Variants in GP6 observed in about 807,000 individuals in gnomAD.
GP6 encodes platelet glycoprotein VI.
Under a neutral mutation model 37.3 loss-of-function variants are expected in GP6, and 45 were observed. That is an observed-to-expected ratio of 1.21 (90% CI 0.95 to 1.55). The LOEUF (loss-of-function observed/expected upper bound fraction) is 1.55, where lower values mean the gene tolerates loss of function less well. Ranked by LOEUF, GP6 falls within the 40% of genes most tolerant of loss-of-function variation. The probability of loss-of-function intolerance (pLI) is 0.00; values close to 1 mark genes in which losing one functional copy is unlikely to be tolerated. For missense variants in GP6, 813 were observed against 760.2 expected (o/e 1.07, Z -0.82); for synonymous variants, 340 against 316.4 (o/e 1.07, Z -0.79).
chr19:55,022,783 C>T (rs1274311832), intron 5 of GP6, among the ~76,000 whole-genome samples: 1 of 152,104 alleles, frequency 6.6e-6, no homozygotes, highest in African/African-American at 2.4e-5. Context: ...AATAAAATAC[C>T]TAGGAATACA....
At chr19:55,029,363 TATATATATATA>T (rs1253676086) in intron 3 of GP6, among the ~76,000 whole-genome samples, 17 of 3,090 alleles carry the variant, frequency 5.5e-3, no homozygotes, top group African/African-American at 8.2e-3. Flanking sequence ...TATATATATA[TATATATATATA>T]TTTTTTTTTT....
chr19:55,035,466 T>C (rs1329307196), intron 1 of GP6, among the ~76,000 whole-genome samples: 1 of 152,186 alleles, frequency 6.6e-6, no homozygotes, highest in Non-Finnish European at 1.5e-5. Flanking sequence ...ACACCTGTAA[T>C]CCCATTTTGG....
At chr19:55,029,337 TATATATATATATATATATATATATA>T (rs2074441605) in intron 3 of GP6, among the ~76,000 whole-genome samples, 1 of 6,446 alleles carries the variant, frequency 1.6e-4, no homozygotes, top group Non-Finnish European at 2.7e-4. Flanking sequence ...TATATATATA[TATATATATATATATATATATATATA>T]TATATATATA....
At position 55,014,812 on chromosome 19, in the gene GP6, A is replaced by C; in HGVS notation, c.1133T>G (p.Leu378Arg). 1 of 1,613,992 alleles carries C rather than the reference A, an allele frequency of 6.2e-7. No individual in the cohort carries two copies. The highest frequency in any genetic ancestry group is 8.5e-7 in the Non-Finnish European group (1 of 1,179,938). The stretch of plus-strand genomic sequence containing the variant: ...GGAGGCAGCATGGCCTCGTTTCCAC[A>C]GCTGTAGCCTCTGCCCTCCTGCTTC... Residue 378 changes from leucine (L) to arginine (R), a missense_variant, in exon 8 of 8, where the codon CTG (leucine) becomes CGG (arginine). Physicochemically the swap from Leu to Arg is moderately radical, Grantham distance 102. Coordinates refer to ENST00000310373, the MANE Select transcript of GP6 (RefSeq NM_001083899.2).
At chr19:55,035,336 G>A (rs1445973098) in intron 1 of GP6, among the ~76,000 whole-genome samples, 1 of 152,094 alleles carries the variant, frequency 6.6e-6, no homozygotes, top group African/African-American at 2.4e-5. Context: ...TGGACAAGAG[G>A]AGTATGTCTT....
At position 55,025,226 on chromosome 19, in the gene GP6, G is replaced by A. The variant is rs767798856; in HGVS notation, c.656C>T (p.Pro219Leu). ...GACCCTGCAGAACCTACCTGCTACC[G>A]GGGAAGGTGGTTCTGTTGGTAACCG... Residue 219 changes from proline to leucine, a missense_variant, in exon 5 of 8, where the codon CCG becomes CTG. Pro to Leu is a moderately conservative substitution (Grantham distance 98). Transcript: ENST00000310373. 4.5e-6 allele frequency: 7 copies of A among 1,540,268 alleles called. No individual in the cohort carries two copies. In the African/African-American group the frequency reaches 5.5e-5, roughly 12 times the overall value.
rs10418074 is a variant in GP6, at chr19:55,014,218, C to T, written c.1727G>A (p.Arg576Lys). 43,102 of 793,436 alleles carry T rather than the reference C, an allele frequency of 0.054. 1,362 individuals are homozygous for T. Among genetic ancestry groups the T allele is most frequent in the African/African-American group, 0.1 (6,267 of 59,858 alleles). The allele number at this position is 793,436 out of a possible 1,614,324, so 49.1% of individuals were successfully genotyped here. The change falls in exon 8 of 8, where the codon AGG (arginine) becomes AAG (lysine). Residue 576 changes from arginine to lysine, a missense_variant. Transcript: ENST00000310373. ...TCCCAGGCTCAAGCCATTCTCCCAC[C>T]TCAGCCCCCTGAGTTGCTGGGAGTA... is the stretch of plus-strand genomic sequence containing the variant.
At chr19:55,018,592 GAAGA>G (rs1215011641) in intron 6 of GP6, 56 bp downstream of exon 6, 3 of 950,826 alleles carry the variant, frequency 3.2e-6, no homozygotes, top group African/African-American at 3.2e-5. Flanking sequence ...TTAGATAATG[GAAGA>G]GAGAGCTCCG....
chr19:55,029,358 AT>A (rs2074463477), intron 3 of GP6, among the ~76,000 whole-genome samples: 1 of 2,632 alleles, frequency 3.8e-4, no homozygotes, highest in African/African-American at 1.5e-3. Context: ...ATATATATAT[AT>A]ATATATATAT....
intron 1 of GP6, among the ~76,000 whole-genome samples, chr19:55,037,160 G>C (rs1602652801): frequency 6.6e-6 from 1 of 152,154 alleles, no homozygotes; most frequent in East Asian, 1.9e-4. Context: ...TCCCTTTAGT[G>C]GTCAAATTCT....
At chr19:55,021,763 G>A (rs1412838058) in intron 5 of GP6, among the ~76,000 whole-genome samples, 5 of 151,974 alleles carry the variant, frequency 3.3e-5, no homozygotes, top group South Asian at 4.1e-4. Context: ...CTTGTGATCT[G>A]CCTGCCTCGG....
Position 55,021,520 on chromosome 19 carries a change from G to GGTTTTT in GP6, c.665-2810_665-2809insAAAAAC, listed in dbSNP as rs556854980. 4.0e-5 allele frequency among the ~76,000 whole-genome samples: 5 copies of GGTTTTT among 126,242 alleles called. 1 individual carries two copies. The highest frequency in any genetic ancestry group is 5.9e-5 in the African/African-American group (2 of 33,868). The allele number at this position is 126,242 out of a possible 152,430, so 82.8% of individuals were successfully genotyped here. A position where few individuals can be genotyped will look rare whatever the true frequency, so the allele number is the denominator to read the frequency against. On this transcript the variant is annotated intron_variant, in intron 5 of 7. Coordinates refer to ENST00000310373, the MANE Select transcript of GP6 (RefSeq NM_001083899.2). The stretch of plus-strand genomic sequence containing the variant: ...ACCTGTTGTTTCTTGACTTTTGTTG[G>GGTTTTT]TTTTTTTTTTTTTTTTTTGAGATGG...
rs1365517869 is a variant in GP6, at chr19:55,032,915, G to A, written c.35-377C>T. On this transcript the variant is annotated intron_variant, in intron 1 of 7. Coordinates refer to ENST00000310373, the MANE Select transcript of GP6 (RefSeq NM_001083899.2). ...GACTCGTTCGTGTTAGACACGGTGGGCTCGTTCGTGTTAGACACGGTGGGC... is the reference window on the plus strand; with the variant it reads ...GACTCGTTCGTGTTAGACACGGTGGACTCGTTCGTGTTAGACACGGTGGGC... 8.7e-4 allele frequency: 304 copies of A among 348,146 alleles called. 5 individuals carry two copies. Among genetic ancestry groups the A allele is most frequent in the South Asian group, 3.9e-3 (127 of 32,724 alleles). The allele number at this position is 348,146 out of a possible 1,614,324, so 21.6% of individuals were successfully genotyped here. A position where few individuals can be genotyped will look rare whatever the true frequency, so the allele number is the denominator to read the frequency against.
chr19:55,026,844 C>T (rs1175049715), intron 4 of GP6, among the ~76,000 whole-genome samples: 1 of 151,888 alleles, frequency 6.6e-6, no homozygotes, highest in Non-Finnish European at 1.5e-5. Context: ...TGAGATCGCG[C>T]CACTGCACTC....
intron 3 of GP6, among the ~76,000 whole-genome samples, chr19:55,029,350 A>T (rs1274408048): frequency 1.6e-3 from 4 of 2,492 alleles, no homozygotes; most frequent in Admixed American, 8.1e-3. Flanking sequence ...ATATATATAT[A>T]TATATATATA....
At position 55,014,878 on chromosome 19, in the gene GP6, C is replaced by A; in HGVS notation, c.1067G>T (p.Trp356Leu). Residue 356 changes from tryptophan (W) to leucine (L), a missense_variant, in exon 8 of 8, where the codon TGG becomes TTG. By Grantham distance (61) the Trp-to-Leu change is moderately conservative. Transcript: ENST00000310373. ...CCAGTCTTTGAGTCGCCTCCCATGC[C>A]ATGATCCCTCCCTTGGATACGACCG... is the stretch of plus-strand genomic sequence containing the variant. 1.9e-6 allele frequency: 3 copies of A among 1,613,984 alleles called. No homozygotes were observed. Among genetic ancestry groups the A allele is most frequent in the Non-Finnish European group, 2.5e-6 (3 of 1,180,018 alleles).
intron 5 of GP6, among the ~76,000 whole-genome samples, chr19:55,024,432 C>T (rs545399482): frequency 6.6e-6 from 1 of 151,508 alleles, no homozygotes; most frequent in East Asian, 1.9e-4. Flanking sequence ...CTCACTCTGC[C>T]CTCAACCCCG....
At chr19:55,036,936 G>T (rs932244336) in intron 1 of GP6, among the ~76,000 whole-genome samples, 1 of 152,130 alleles carries the variant, frequency 6.6e-6, no homozygotes. Context: ...ACTTGGACCC[G>T]GGAGGCAGAG....
chr19:55,025,182 T>TA, intron 5 of GP6, 36 bp downstream of exon 5: 1 of 1,186,930 alleles, frequency 8.4e-7, no homozygotes, highest in Non-Finnish European at 1.2e-6. Flanking sequence ...GTGTACCTCA[T>TA]ACGCTGTGCA....
Sources: allele counts gnomAD v4.1 joint callset (sites outside exome capture counted in the v4.1 genomes callset), GRCh38; gene constraint gnomAD v4.1.1; transcripts MANE v1.5; gene names NCBI Gene and HGNC (gene_info 2026-07-23, HGNC 2026-07-21).